The following ESRRB variants were observed in gnomAD, a reference collection of about 807,000 sequenced individuals.
The protein encoded by ESRRB is estrogen related receptor beta.
ESRRB carries 16 observed loss-of-function variants against 46.0 expected under a neutral mutation model. The observed-to-expected ratio is 0.35, with a 90% CI of 0.24 to 0.53. The LOEUF (loss-of-function observed/expected upper bound fraction) is 0.53. ESRRB is among the 20% of genes least tolerant of loss of function. ESRRB has a pLI of 0.93. For missense variants in ESRRB, 488 were observed against 607.4 expected (o/e 0.80, Z 2.07); for synonymous variants, 246 against 259.6 (o/e 0.95, Z 0.50).
At chr14:76,456,438 A>G (rs114728427) in intron 2 of ESRRB, among the ~76,000 whole-genome samples, 1 of 152,262 alleles carries the variant, frequency 6.6e-6, no homozygotes, top group African/African-American at 2.4e-5. Context: ...GGAAATGGAG[A>G]CAGGCTAGTG....
chr14:76,439,892 C>A, intron 2 of ESRRB, 142 bp downstream of exon 2: 1 of 902,990 alleles, frequency 1.1e-6, no homozygotes, highest in South Asian at 1.7e-5. Flanking sequence ...GCGCCTTTTC[C>A]CTTGCTCAGG....
intron 3 of ESRRB, among the ~76,000 whole-genome samples, chr14:76,480,791 T>A (rs1889776707): frequency 6.6e-6 from 1 of 152,238 alleles, no homozygotes; most frequent in African/African-American, 2.4e-5. Flanking sequence ...GAAGGTCAAC[T>A]GACTGGGGCT....
chr14:76,416,810 A>G (rs1886725464), intron 1 of ESRRB, among the ~76,000 whole-genome samples: 1 of 152,090 alleles, frequency 6.6e-6, no homozygotes, highest in South Asian at 2.1e-4. Flanking sequence ...TTTACCGAGC[A>G]CCTACTATGT....
At chr14:76,357,176 G>A (rs551985263) in intron 1 of ESRRB, among the ~76,000 whole-genome samples, 74 of 152,352 alleles carry the variant, frequency 4.9e-4, no homozygotes, top group African/African-American at 1.6e-3. Context: ...CTGGGTTCAC[G>A]GGGCATGAGA....
chr14:76,383,682 AGT>A (rs961557310), intron 1 of ESRRB, among the ~76,000 whole-genome samples: 2 of 150,402 alleles, frequency 1.3e-5, no homozygotes, highest in African/African-American at 4.9e-5. Flanking sequence ...CCTGAGTGTG[AGT>A]GTGTGTGTGT....
intron 1 of ESRRB, among the ~76,000 whole-genome samples, chr14:76,346,292 C>G (rs1251330205): frequency 6.6e-6 from 1 of 152,202 alleles, no homozygotes; most frequent in Non-Finnish European, 1.5e-5. Context: ...TTCTGTAATA[C>G]TTGGTGGGGA....
intron 1 of ESRRB, among the ~76,000 whole-genome samples, chr14:76,404,683 A>G (rs1267263102): frequency 2.6e-5 from 4 of 152,158 alleles, no homozygotes; most frequent in Non-Finnish European, 5.9e-5. Flanking sequence ...CAACAGCTCC[A>G]GCCCAGCCTT....
rs773374701 is a variant in ESRRB, at chr14:76,498,220, T to C, written c.1127T>C (p.Met376Thr). 13 of 1,613,658 alleles carry C rather than the reference T, an allele frequency of 8.1e-6. No individual in the cohort carries two copies. The highest frequency in any genetic ancestry group is 4.0e-5 in the African/African-American group (3 of 74,922). ...KALALANSDS[M>T]YIEDLEAVQK... ...CTCGTCCTTGTGCCTGCAGATTCCA[T>C]GTACATCGAGGATCTAGAGGCTGTC... The change falls in exon 7 of 7, where the codon ATG (methionine) becomes ACG (threonine). Residue 376 changes from methionine to threonine, a missense_variant. By Grantham distance (81) the Met-to-Thr change is moderately conservative. Coordinates refer to ENST00000644823, the MANE Select transcript of ESRRB (RefSeq NM_001379180.1).
At chr14:76,329,504 G>A (rs1243609924) in intron 1 of ESRRB, among the ~76,000 whole-genome samples, 4 of 152,110 alleles carry the variant, frequency 2.6e-5, no homozygotes, top group African/African-American at 7.2e-5. Context: ...AATTATAGCC[G>A]CCCATAAACA....
chr14:76,426,939 CTT>C (rs755026703), intron 1 of ESRRB, among the ~76,000 whole-genome samples: 39 of 152,220 alleles, frequency 2.6e-4, no homozygotes, highest in Non-Finnish European at 5.1e-4. Flanking sequence ...GTGAGCTACT[CTT>C]TTGTTTAAGT....
intron 1 of ESRRB, among the ~76,000 whole-genome samples, chr14:76,413,081 T>A (rs1886510021): frequency 1.3e-5 from 2 of 152,176 alleles, no homozygotes; most frequent in Non-Finnish European, 2.9e-5. Flanking sequence ...GTTTCTTTGA[T>A]GAGGAAAGTG....
chr14:76,313,146 G>C (rs1002508997), intron 1 of ESRRB, among the ~76,000 whole-genome samples: 14 of 152,150 alleles, frequency 9.2e-5, no homozygotes, highest in African/African-American at 3.1e-4. Flanking sequence ...CCGTGTGATA[G>C]AGGGCCTGGC....
At position 76,497,982 on chromosome 14, in the gene ESRRB, G is replaced by A. The variant is rs565434045; in HGVS notation, c.1121-232G>A. Among the ~76,000 whole-genome samples, 328 of 152,190 alleles carry A rather than the reference G, an allele frequency of 2.2e-3. 5 individuals are homozygous for A. Among genetic ancestry groups the A allele is most frequent in the Non-Finnish European group, 8.1e-4 (55 of 67,996 alleles). On this transcript the variant is annotated intron_variant, in intron 6 of 6. Coordinates refer to ENST00000644823, the MANE Select transcript of ESRRB (RefSeq NM_001379180.1). ...TCCAGGGTCTCTGCTGCCACCCCCTGGTGACCTCTTGAGAAATGTCCCCTG... is the reference window on the plus strand; with the variant it reads ...TCCAGGGTCTCTGCTGCCACCCCCTAGTGACCTCTTGAGAAATGTCCCCTG...
chr14:76,342,186 C>T (rs942925577), intron 1 of ESRRB, among the ~76,000 whole-genome samples: 5 of 152,192 alleles, frequency 3.3e-5, no homozygotes, highest in Non-Finnish European at 5.9e-5. Context: ...TAACAAAGGG[C>T]CCCACTGGGT....
intron 1 of ESRRB, among the ~76,000 whole-genome samples, chr14:76,324,312 G>C (rs947010136): frequency 6.6e-6 from 1 of 152,178 alleles, no homozygotes; most frequent in Non-Finnish European, 1.5e-5. Context: ...CCGGCAGGGA[G>C]GGAGTAGACT....
rs1890235146 is a variant in ESRRB at position 76,491,655 on chromosome 14, G to A, written c.1059G>A (p.Lys353=). ...RAILQLVRRY[K]KLKVEKEEFV... Reference sequence around the variant, plus strand: ...TCCTGCAGCTGGTACGCAGGTACAAGAAGCTCAAGGTGGAGAAGGAGGAGT... The same window carrying A: ...TCCTGCAGCTGGTACGCAGGTACAAAAAGCTCAAGGTGGAGAAGGAGGAGT... The change falls in exon 6 of 7, where the codon AAG becomes AAA. Residue 353 remains lysine (K), a synonymous_variant. Transcript: ENST00000644823. 1 of 1,587,466 alleles carries A rather than the reference G, an allele frequency of 6.3e-7. No homozygotes were observed. The highest frequency in any genetic ancestry group is 1.2e-5 in the South Asian group (1 of 86,590).
At chr14:76,498,059 G>T (rs887348410) in intron 6 of ESRRB, among the ~76,000 whole-genome samples, 155 bp from the exon 7 acceptor site, 1 of 152,138 alleles carries the variant, frequency 6.6e-6, no homozygotes, top group African/African-American at 2.4e-5. Flanking sequence ...ATTAGCTTCT[G>T]TGACCTCTCT....
intron 1 of ESRRB, among the ~76,000 whole-genome samples, chr14:76,396,831 G>T (rs1262630126): frequency 2.0e-5 from 3 of 152,230 alleles, no homozygotes; most frequent in Non-Finnish European, 4.4e-5. Context: ...GCCAGGCTCG[G>T]CCTGGGTTGG....
Position 76,379,676 on chromosome 14 carries a change from C to T in ESRRB, c.50+3225C>T, listed in dbSNP as rs574044163. Among the ~76,000 whole-genome samples, 62 of 152,162 alleles carry T rather than the reference C, an allele frequency of 4.1e-4. 1 individual carries two copies. Among genetic ancestry groups the T allele is most frequent in the African/African-American group, 1.5e-3 (61 of 41,524 alleles). On this transcript the variant is annotated intron_variant, in intron 1 of 6. Coordinates refer to ENST00000644823, the MANE Select transcript of ESRRB (RefSeq NM_001379180.1). ...GGTGTTCAGGCCTGAAGGCGATGAA[C>T]TGGGAGGAGACATTAGGTCAACGCT... is the stretch of plus-strand genomic sequence containing the variant.
Sources: gnomAD v4.1 joint callset for allele counts (sites outside exome capture counted in the v4.1 genomes callset) on GRCh38, gnomAD v4.1.1 for gene constraint, MANE v1.5 for transcripts, NCBI Gene and HGNC (gene_info 2026-07-23, HGNC 2026-07-21) for gene names.